The following LRRC9 variants were observed in gnomAD, a reference collection of about 807,000 sequenced individuals.
LRRC9 encodes leucine-rich repeat-containing protein 9.
In LRRC9, 122 loss-of-function variants were observed where a neutral mutation model predicts 63.2. That is an observed-to-expected ratio of 1.93 (90% confidence interval 1.67 to 2.24). The LOEUF (loss-of-function observed/expected upper bound fraction) is 2.24, where lower values mean the gene tolerates loss of function less well. Ranked by LOEUF, LRRC9 falls within the 30% of genes most tolerant of loss-of-function variation. The pLI is 0.00. For synonymous variants in LRRC9, 366 were observed against 213.1 expected (o/e 1.72, Z -6.25); for missense variants, 1,071 against 627.7 (o/e 1.71, Z -7.55).
intron 13 of LRRC9, among the ~76,000 whole-genome samples, chr14:59,976,323 G>A (rs1489903248): frequency 1.3e-5 from 2 of 152,172 alleles, no homozygotes; most frequent in Non-Finnish European, 2.9e-5. Flanking sequence ...GGGGAAAATT[G>A]TCTTCCATGA....
intron 29 of LRRC9, among the ~76,000 whole-genome samples, chr14:60,043,756 CTTTTTTTT>C (rs368065898): frequency 9.8e-5 from 7 of 71,576 alleles, no homozygotes; most frequent in African/African-American, 2.3e-4. Context: ...TTTTCTTTTC[CTTTTTTTT>C]TTTTTTTTTT....
At chr14:59,987,672 C>A (rs1887633511) in intron 17 of LRRC9, among the ~76,000 whole-genome samples, 1 of 151,888 alleles carries the variant, frequency 6.6e-6, no homozygotes, top group Non-Finnish European at 1.5e-5. Flanking sequence ...ATTTTTCTGG[C>A]AAAACTAATG....
intron 16 of LRRC9, 85 bp downstream of exon 16, chr14:59,982,145 A>G (rs987858558): frequency 1.6e-6 from 1 of 625,966 alleles, no homozygotes; most frequent in South Asian, 1.9e-5. Context: ...AAGATACTAA[A>G]CTGCCTGTCT....
intron 1 of LRRC9, among the ~76,000 whole-genome samples, chr14:59,921,456 G>A (rs539144635): frequency 2.6e-5 from 4 of 151,944 alleles, no homozygotes; most frequent in Admixed American, 2.6e-4. Context: ...GGAATGAGGA[G>A]GAGGAAAAAA....
rs8006197 is a variant in LRRC9 at position 60,016,277 on chromosome 14, C to T, written c.3187-383C>T. Among the ~76,000 whole-genome samples, 1,112 of 152,288 alleles carry T rather than the reference C, an allele frequency of 7.3e-3. 17 individuals carry two copies. Among genetic ancestry groups the T allele is most frequent in the African/African-American group, 0.026 (1,082 of 41,560 alleles). ...CTGGAATCCAGTGGCATGATCATAGCTCACTGCAGCCTCTGAACTGTGCTC... is the reference window on the plus strand; with the variant it reads ...CTGGAATCCAGTGGCATGATCATAGTTCACTGCAGCCTCTGAACTGTGCTC... On this transcript the variant is annotated intron_variant, in intron 23 of 31. Coordinates refer to ENST00000445360, the Ensembl canonical transcript of LRRC9.
At chr14:60,002,082 T>C (rs1269943387) in exon 20 of LRRC9, 1 of 699,712 alleles carries the variant, frequency 1.4e-6, no homozygotes, top group Admixed American at 2.0e-5. Context: ...TACATCTGAG[T>C]GGAAACTGCT....
exon 18 of LRRC9, chr14:59,997,758 C>G: frequency 1.4e-6 from 1 of 702,366 alleles, no homozygotes; most frequent in Non-Finnish European, 2.6e-6. Flanking sequence ...CTGGAATCAA[C>G]TGAAAAAATC....
intron 6 of LRRC9, among the ~76,000 whole-genome samples, chr14:59,937,148 A>G (rs1355032731): frequency 6.6e-6 from 1 of 151,630 alleles, no homozygotes; most frequent in East Asian, 1.9e-4. Context: ...ACAAGACACA[A>G]ACCTTGTTCT....
At chr14:60,020,219 G>T (rs552912607) in intron 26 of LRRC9, among the ~76,000 whole-genome samples, 4 of 151,932 alleles carry the variant, frequency 2.6e-5, no homozygotes, top group Admixed American at 2.6e-4. Context: ...AGTAGTTTTT[G>T]TGCCTGGCTC....
In LRRC9 at chr14:59,958,048, T is replaced by TATG. The variant is rs1340422133; in HGVS notation, c.883-1768_883-1766dup. Among the ~76,000 whole-genome samples the TATG allele has an allele frequency of 2.6e-5, 4 of 152,162 alleles. No individual in the cohort carries two copies. Among genetic ancestry groups the TATG allele is most frequent in the African/African-American group, 9.7e-5 (4 of 41,448 alleles). On this transcript the variant is annotated intron_variant, in intron 8 of 31. Transcript: ENST00000445360. The surrounding 1 kb of genome is among the most constrained non-coding windows in gnomAD (Gnocchi z 4.0). ...CCTGATGCCAACCAGAGCTCTCCTG[T>TATG]ATGAGGTGTCTGTCGACCCCTGTTG...
intron 8 of LRRC9, among the ~76,000 whole-genome samples, chr14:59,952,454 C>T (rs190214666): frequency 2.3e-4 from 35 of 152,246 alleles, no homozygotes; most frequent in African/African-American, 7.0e-4. Flanking sequence ...AGAAATCACC[C>T]GTCTTCTGCG....
At chr14:59,944,329 T>C (rs2139856710) in intron 7 of LRRC9, among the ~76,000 whole-genome samples, 1 of 152,064 alleles carries the variant, frequency 6.6e-6, no homozygotes, top group Non-Finnish European at 1.5e-5. Context: ...TCTCTTTTTG[T>C]TGTTATCCTG....
At chr14:60,006,428 C>T (rs1889814810) in exon 22 of LRRC9, 2 of 696,968 alleles carry the variant, frequency 2.9e-6, no homozygotes, top group African/African-American at 3.5e-5. Context: ...TAACTCGCCT[C>T]AGCATAAATA....
In LRRC9 at chr14:59,962,081, C is replaced by T. The variant is rs557806979; in HGVS notation, c.1211+1036C>T. On this transcript the variant is annotated intron_variant, in intron 10 of 31. Transcript: ENST00000445360. This position sits in a 1 kb window ranked among gnomAD's most constrained non-coding sequence, Gnocchi z 5.1. ...TATGGGTTACTTTAAACCAAGTCCC[C>T]TGATTTCTATTAGACATGGCTTTTT... 3.7e-4 allele frequency among the ~76,000 whole-genome samples: 57 copies of T among 152,142 alleles called. No individual in the cohort carries two copies. Among genetic ancestry groups the T allele is most frequent in the Non-Finnish European group, 6.9e-4 (47 of 68,028 alleles).
intron 29 of LRRC9, among the ~76,000 whole-genome samples, chr14:60,033,460 G>A (rs1892160661): frequency 6.6e-6 from 1 of 151,940 alleles, no homozygotes; most frequent in Non-Finnish European, 1.5e-5. Context: ...AAAAGTTTAG[G>A]GAAATTCCTT....
At chr14:60,022,922 TATC>T (rs1209144143) in intron 27 of LRRC9, 52 bp downstream of exon 27, 1 of 459,484 alleles carries the variant, frequency 2.2e-6, no homozygotes, top group African/African-American at 2.0e-5. Context: ...AAACTGATTT[TATC>T]ATCATTCTGT....
At chr14:60,010,418 C>A (rs577158754) in intron 23 of LRRC9, among the ~76,000 whole-genome samples, 32 of 151,550 alleles carry the variant, frequency 2.1e-4, no homozygotes, top group African/African-American at 7.5e-4. Context: ...GGTACCAAGT[C>A]CCTAGGCTGC....
At chr14:59,975,147 A>ATG (rs1367673762) in intron 13 of LRRC9, among the ~76,000 whole-genome samples, 2,508 of 24,616 alleles carry the variant, frequency 0.1, 494 homozygotes, top group African/African-American at 0.15. Flanking sequence ...ATACATATAT[A>ATG]TATGTATATA....
chr14:59,961,264 C>T (rs1249916203), intron 10 of LRRC9, among the ~76,000 whole-genome samples: 3 of 152,128 alleles, frequency 2.0e-5, no homozygotes, highest in African/African-American at 7.2e-5. Context: ...GTGAGCCAAC[C>T]TTGAAGACAT....
Sources: gnomAD v4.1 joint callset for allele counts (sites outside exome capture counted in the v4.1 genomes callset) on GRCh38, gnomAD v4.1.1 for gene constraint, Gnocchi (gnomAD v3.1) non-coding constraint, MANE v1.5 for transcripts, NCBI Gene and HGNC (gene_info 2026-07-23, HGNC 2026-07-21) for gene names.